The following MED12L variants were observed in gnomAD, a reference collection of about 807,000 sequenced individuals.
MED12L encodes the protein mediator complex subunit 12L.
A neutral mutation model predicts 281.3 loss-of-function variants in MED12L; 60 were observed. That is an observed-to-expected ratio of 0.21 (90% CI 0.17 to 0.26). MED12L has a LOEUF of 0.26. MED12L is among the 10% of genes least tolerant of loss of function. The pLI, the probability that MED12L is intolerant of heterozygous loss-of-function variation, is 1.00. For synonymous variants in MED12L, 974 were observed against 987.2 expected, an observed-to-expected ratio of 0.99 and a Z score of 0.25; for missense variants, 2,146 against 2,680.9, an observed-to-expected ratio of 0.80 and a Z score of 4.41.
At chr3:151,420,590 G>A (rs982967394) in intron 43 of MED12L, among the ~76,000 whole-genome samples, 9 of 152,126 alleles carry the variant, frequency 5.9e-5, no homozygotes, top group Admixed American at 2.6e-4. Context: ...GAGCATACAC[G>A]GCCTTCTGGA....
At position 151,389,992 on chromosome 3, in the gene MED12L, G is replaced by A. The variant is rs1288741033; in HGVS notation, c.5465G>A (p.Ser1822Asn). Residue 1822 changes from serine (S) to asparagine (N), a missense_variant, in exon 38 of 45, where the codon AGC (serine) becomes AAC (asparagine). Ser to Asn is a conservative substitution (Grantham distance 46). This residue lies in a region of MED12L where 496 missense variants were observed against 512.0 expected (regional missense o/e 0.97). Coordinates refer to ENST00000687756, the MANE Select transcript of MED12L (RefSeq NM_001393769.1). ...TTTATGTTGAAGGAATATCCACAGA[G>A]CAACATATACCGAGTGCCTCCTAAT... ...SSSRVDEYPQ[S>N]NIYRVPPNYS... is the part of the protein sequence containing the mutation. 5 of 1,613,930 alleles carry A rather than the reference G, an allele frequency of 3.1e-6. No individual in the cohort carries two copies. The highest frequency in any genetic ancestry group is 4.2e-6 in the Non-Finnish European group (5 of 1,179,944).
intron 33 of MED12L, among the ~76,000 whole-genome samples, chr3:151,383,229 C>T (rs1712721876): frequency 6.6e-6 from 1 of 152,164 alleles, no homozygotes; most frequent in Non-Finnish European, 1.5e-5. Flanking sequence ...CAGGCAGGCC[C>T]AAGTGCAGGC....
At chr3:151,175,632 A>G (rs1331979759) in intron 11 of MED12L, among the ~76,000 whole-genome samples, 1 of 152,096 alleles carries the variant, frequency 6.6e-6, no homozygotes, top group African/African-American at 2.4e-5. Flanking sequence ...TACCTTCTTT[A>G]TTTGTTGAGG....
At chr3:151,167,976 A>G (rs1304730176) in intron 11 of MED12L, among the ~76,000 whole-genome samples, 3 of 152,198 alleles carry the variant, frequency 2.0e-5, no homozygotes, top group African/African-American at 7.2e-5. Context: ...AGATTATCAT[A>G]ACCACCTTAG....
chr3:151,226,969 C>T (rs749461376), intron 16 of MED12L, among the ~76,000 whole-genome samples: 74 of 152,318 alleles, frequency 4.9e-4, no homozygotes, highest in Admixed American at 7.8e-4. Context: ...GGATGCCACA[C>T]GCAGATCCCC....
intron 16 of MED12L, among the ~76,000 whole-genome samples, chr3:151,229,993 G>A (rs182636994): frequency 6.6e-6 from 1 of 152,032 alleles, no homozygotes; most frequent in East Asian, 1.9e-4. Context: ...TTTTGGATAT[G>A]GAGTCTCGCT....
Position 151,116,378 on chromosome 3 carries a change from A to C in MED12L, c.140A>C (p.Asn47Thr), listed in dbSNP as rs1281974781. 4.3e-6 allele frequency: 7 copies of C among 1,613,540 alleles called. No individual in the cohort carries two copies. The highest frequency in any genetic ancestry group is 5.9e-6 in the Non-Finnish European group (7 of 1,179,682). The change falls in exon 3 of 45, where the codon AAT becomes ACT. Residue 47 changes from asparagine (N) to threonine (T), a missense_variant. By Grantham distance (65) the Asn-to-Thr change is moderately conservative. Around this residue, in one of 9 missense-constraint regions of MED12L, gnomAD observed 722 missense variants for 861.2 expected, o/e 0.84. Transcript: ENST00000687756. ...GTGAATGTAAAGCAAGGCTTCAATA[A>C]TCAGCCAGCCTTCACTGGAGATGAA... ...TAVNVKQGFNNQPAFTGDEHG... is the reference protein window; with the variant it reads ...TAVNVKQGFNTQPAFTGDEHG...
chr3:151,329,091 T>G, intron 16 of MED12L: 1 of 981,404 alleles, frequency 1.0e-6, no homozygotes, highest in Admixed American at 2.5e-5. Context: ...AAAACAGACT[T>G]TATGTTTATA....
rs55676007 is a variant in MED12L at position 151,158,677 on chromosome 3, TG to T, written c.727-11del. 0.052 allele frequency: 80,991 copies of T among 1,560,730 alleles called. 2,381 individuals are homozygous for T. The highest frequency in any genetic ancestry group is 0.091 in the Middle Eastern group (539 of 5,892). Reference sequence around the variant, plus strand: ...TAACATTATTAATGTAATTTTTCTTTGTTCATTTAAGGAAGGAATGTTAGAA... The same window carrying T: ...TAACATTATTAATGTAATTTTTCTTTTTCATTTAAGGAAGGAATGTTAGAA... On this transcript the variant is annotated splice_polypyrimidine_tract_variant and intron_variant, in intron 6 of 44. Transcript: ENST00000687756.
At chr3:151,357,796 G>A (rs542294352) in intron 20 of MED12L, among the ~76,000 whole-genome samples, 1 of 152,208 alleles carries the variant, frequency 6.6e-6, no homozygotes, top group African/African-American at 2.4e-5. Flanking sequence ...TTCTTCAATT[G>A]CATTTCTTTG....
At chr3:151,186,672 A>G (rs528165027) in intron 12 of MED12L, among the ~76,000 whole-genome samples, 3 of 152,274 alleles carry the variant, frequency 2.0e-5, no homozygotes, top group Non-Finnish European at 4.4e-5. Flanking sequence ...CTAGCTCAAC[A>G]TGTGGCACCT....
intron 43 of MED12L, among the ~76,000 whole-genome samples, chr3:151,420,822 A>C (rs1369852461): frequency 6.6e-6 from 1 of 152,182 alleles, no homozygotes; most frequent in African/African-American, 2.4e-5. Context: ...ATGATGGTGG[A>C]TAAGGCATTC....
chr3:151,418,430 C>T (rs910990776), intron 43 of MED12L, among the ~76,000 whole-genome samples: 7 of 152,144 alleles, frequency 4.6e-5, no homozygotes, highest in African/African-American at 1.4e-4. Context: ...TCTTTTTACT[C>T]GCCTTCATCT....
intron 16 of MED12L, among the ~76,000 whole-genome samples, chr3:151,292,255 A>G (rs1447750378): frequency 6.6e-6 from 1 of 150,806 alleles, no homozygotes; most frequent in African/African-American, 2.5e-5. Flanking sequence ...TAGGACATGT[A>G]CTGAAGGTAT....
chr3:151,340,541 A>C (rs1425132798), intron 16 of MED12L: 1 of 152,638 alleles, frequency 6.6e-6, no homozygotes, highest in African/African-American at 2.4e-5. Flanking sequence ...AAATGTACAC[A>C]CATATCAGAG....
At chr3:151,144,464 T>C (rs1717494098) in intron 5 of MED12L, among the ~76,000 whole-genome samples, 1 of 152,084 alleles carries the variant, frequency 6.6e-6, no homozygotes, top group Non-Finnish European at 1.5e-5. Context: ...GTACAAGACT[T>C]TTGTGCTCTT....
At chr3:151,218,654 G>T (rs1470927579) in intron 16 of MED12L, among the ~76,000 whole-genome samples, 1 of 151,918 alleles carries the variant, frequency 6.6e-6, no homozygotes, top group African/African-American at 2.4e-5. Context: ...GGATCACGAG[G>T]TCAGGAGATT....
intron 16 of MED12L, among the ~76,000 whole-genome samples, chr3:151,242,294 C>G (rs1734318813): frequency 6.6e-6 from 1 of 152,238 alleles, no homozygotes; most frequent in African/African-American, 2.4e-5. Flanking sequence ...GGCCTGCCTG[C>G]CTCTCTAGGC....
chr3:151,179,031 G>C (rs898378009), intron 11 of MED12L, among the ~76,000 whole-genome samples: 13 of 152,104 alleles, frequency 8.5e-5, no homozygotes, highest in Admixed American at 6.6e-5. Flanking sequence ...AAATACTGTA[G>C]AAAACCTATT....
Sources: gnomAD v4.1 joint callset for allele counts (sites outside exome capture counted in the v4.1 genomes callset) on GRCh38, gnomAD v4.1.1 for gene constraint, gnomAD v4.1.1 regional missense constraint, MANE v1.5 for transcripts, NCBI Gene and HGNC (gene_info 2026-07-23, HGNC 2026-07-21) for gene names.